Variants in CCDC171 observed in about 807,000 individuals in gnomAD.
CCDC171 encodes coiled-coil domain-containing protein 171.
CCDC171 carries 177 observed loss-of-function variants against 168.2 expected under a neutral mutation model. That is an observed-to-expected ratio of 1.05 (90% CI 0.93 to 1.19). The LOEUF (loss-of-function observed/expected upper bound fraction) is 1.19, where lower values mean the gene tolerates loss of function less well. Ranked by LOEUF, CCDC171 falls within the 50% of genes most tolerant of loss-of-function variation. The probability of loss-of-function intolerance (pLI) is 0.00; values close to 1 mark genes in which losing one functional copy is unlikely to be tolerated. For missense variants in CCDC171, 1,991 were observed against 1,539.0 expected (o/e 1.29, Z -4.91); for synonymous variants, 687 against 540.8 (o/e 1.27, Z -3.75).
intron 6 of CCDC171, among the ~76,000 whole-genome samples, chr9:15,616,445 A>T (rs1410285293): frequency 6.6e-6 from 1 of 151,846 alleles, no homozygotes; most frequent in Non-Finnish European, 1.5e-5. Context: ...TTACTATTTT[A>T]TTTATTTTAC....
chr9:16,095,059 T>C, the CCDC171 span, among the ~76,000 whole-genome samples: 1 of 152,206 alleles, frequency 6.6e-6, no homozygotes, highest in Non-Finnish European at 1.5e-5. Flanking sequence ...ATTGTAAGTT[T>C]CCTGAGGCCC....
chr9:15,694,412 G>A (rs1482979058), intron 10 of CCDC171, among the ~76,000 whole-genome samples: 5 of 152,114 alleles, frequency 3.3e-5, no homozygotes, highest in South Asian at 2.1e-4. Context: ...CATTGTGCTG[G>A]TGTAGAGTGT....
chr9:15,832,922 C>G (rs1347499588), intron 21 of CCDC171, among the ~76,000 whole-genome samples: 3 of 150,788 alleles, frequency 2.0e-5, no homozygotes, highest in Admixed American at 6.6e-5. Flanking sequence ...TAGCTCTACA[C>G]AGGGTCAGGA....
At chr9:15,755,565 C>T (rs766227012) in intron 18 of CCDC171, among the ~76,000 whole-genome samples, 1 of 152,130 alleles carries the variant, frequency 6.6e-6, no homozygotes, top group Non-Finnish European at 1.5e-5. Flanking sequence ...ACCCAGATGT[C>T]TATCAACTGA....
chr9:15,567,431 C>A (rs758956255), intron 2 of CCDC171, among the ~76,000 whole-genome samples: 5 of 152,112 alleles, frequency 3.3e-5, no homozygotes, highest in African/African-American at 1.2e-4. Context: ...AATTCTTTGT[C>A]TTTCCATATG....
chr9:15,562,360 T>C (rs1282312170), intron 1 of CCDC171, among the ~76,000 whole-genome samples: 2 of 152,132 alleles, frequency 1.3e-5, no homozygotes, highest in Non-Finnish European at 2.9e-5. Context: ...AAGTCTTATA[T>C]AATGTAATCA....
At chr9:15,554,269 C>G (rs949577631) in intron 1 of CCDC171, among the ~76,000 whole-genome samples, 1 of 152,220 alleles carries the variant, frequency 6.6e-6, no homozygotes, top group Admixed American at 6.5e-5. Flanking sequence ...ATCCGCCCGC[C>G]TCGGCCTCCC....
intron 10 of CCDC171, among the ~76,000 whole-genome samples, chr9:15,683,557 C>T (rs1342118690): frequency 2.6e-5 from 4 of 151,740 alleles, no homozygotes; most frequent in African/African-American, 4.8e-5. Flanking sequence ...TATCACTTTC[C>T]GTTTCTCTTA....
At chr9:16,093,131 A>G in the CCDC171 span, among the ~76,000 whole-genome samples, 1 of 152,256 alleles carries the variant, frequency 6.6e-6, no homozygotes, top group African/African-American at 2.4e-5. Context: ...CAAACGATAT[A>G]GCCATTTTCT....
intron 13 of CCDC171, 104 bp from the exon 14 acceptor site, chr9:15,724,672 C>A: frequency 1.5e-6 from 1 of 681,130 alleles, no homozygotes; most frequent in Non-Finnish European, 2.6e-6. Context: ...GTGATTCTTT[C>A]ATTTTAAAGC....
intron 3 of CCDC171, among the ~76,000 whole-genome samples, chr9:15,992,768 G>A (rs1832241487): frequency 6.6e-6 from 1 of 152,124 alleles, no homozygotes; most frequent in Non-Finnish European, 1.5e-5. Context: ...TAATCAATGT[G>A]CAAAAATCAC....
chr9:15,814,079 G>C (rs1168080575), intron 21 of CCDC171, among the ~76,000 whole-genome samples: 1 of 152,168 alleles, frequency 6.6e-6, no homozygotes, highest in Non-Finnish European at 1.5e-5. Context: ...GGATTCCTTT[G>C]GAAAGGGATA....
rs557916488 is a variant in CCDC171 at position 15,786,060 on chromosome 9, A to G, written c.3267+1366A>G. Among the ~76,000 whole-genome samples, 8 of 152,276 alleles carry G rather than the reference A, an allele frequency of 5.3e-5. No homozygotes were observed. The East Asian group carries it at 1.5e-3, about 29-fold the overall frequency. ...ATAGATGTCCTTTACGAAGAGGAAT[A>G]AACGACCAGGATGGTATTAGTATTT... On this transcript the variant is annotated intron_variant, in intron 21 of 25. Coordinates refer to ENST00000380701, the MANE Select transcript of CCDC171 (RefSeq NM_173550.4).
At chr9:15,555,361 G>A (rs1304555992) in intron 1 of CCDC171, among the ~76,000 whole-genome samples, 1 of 152,166 alleles carries the variant, frequency 6.6e-6, no homozygotes, top group Admixed American at 6.5e-5. Flanking sequence ...GGATGGCCTG[G>A]TTTTGGTCCA....
chr9:15,938,681 C>G (rs1156877204), intron 25 of CCDC171, among the ~76,000 whole-genome samples: 2 of 151,754 alleles, frequency 1.3e-5, no homozygotes, highest in Non-Finnish European at 1.5e-5. Context: ...CTGTCTTTCC[C>G]AGAACTTTGG....
At chr9:15,987,766 A>T (rs893020184) in intron 3 of CCDC171, among the ~76,000 whole-genome samples, 1 of 149,492 alleles carries the variant, frequency 6.7e-6, no homozygotes, top group Non-Finnish European at 1.5e-5. Context: ...ATTTTTTTTC[A>T]CATTTTGGAA....
chr9:15,654,672 A>G (rs1333687056), intron 7 of CCDC171, among the ~76,000 whole-genome samples: 2 of 152,244 alleles, frequency 1.3e-5, no homozygotes, highest in East Asian at 1.9e-4. Context: ...AAGGGGGTGG[A>G]GCCAAGATGG....
chr9:15,871,529 GTAAC>G (rs1036810976), intron 23 of CCDC171, among the ~76,000 whole-genome samples: 7 of 151,812 alleles, frequency 4.6e-5, no homozygotes, highest in East Asian at 1.9e-4. Flanking sequence ...TTTTTTGACA[GTAAC>G]TAATTTGCTT....
At chr9:15,590,825 CTTTCTTTCTTCTTCT>C (rs2041950574) in intron 4 of CCDC171, among the ~76,000 whole-genome samples, 2 of 124,556 alleles carry the variant, frequency 1.6e-5, no homozygotes, top group Non-Finnish European at 3.5e-5. Flanking sequence ...TTCTTTCTTT[CTTTCTTTCTTCTTCT>C]TTCTTTCTTT....
Sources: gnomAD v4.1 joint callset for allele counts (sites outside exome capture counted in the v4.1 genomes callset) on GRCh38, gnomAD v4.1.1 for gene constraint, MANE v1.5 for transcripts, NCBI Gene and HGNC (gene_info 2026-07-23, HGNC 2026-07-21) for gene names.